SNX24: variants seen among roughly 807,000 people sequenced by gnomAD.
SNX24 encodes sorting nexin-24.
A neutral mutation model predicts 28.7 loss-of-function variants in SNX24; 22 were observed. The observed-to-expected ratio is 0.77, with a 90% confidence interval of 0.55 to 1.10. The LOEUF (loss-of-function observed/expected upper bound fraction) is 1.10. SNX24 is among the 50% of genes least tolerant of loss of function. The pLI, the probability that SNX24 is intolerant of heterozygous loss-of-function variation, is 0.00. For synonymous variants in SNX24, 69 were observed against 71.5 expected, an observed-to-expected ratio of 0.96 and a Z score of 0.18; for missense variants, 221 against 201.1, an observed-to-expected ratio of 1.10 and a Z score of -0.60.
intron 3 of SNX24, among the ~76,000 whole-genome samples, chr5:122,957,558 A>G (rs1760267005): frequency 6.6e-6 from 1 of 152,220 alleles, no homozygotes; most frequent in African/African-American, 2.4e-5. Flanking sequence ...GCAAAAATAA[A>G]AAAACTTCTT....
chr5:122,921,263 T>C (rs1163437244), intron 1 of SNX24, among the ~76,000 whole-genome samples: 1 of 152,180 alleles, frequency 6.6e-6, no homozygotes, highest in Non-Finnish European at 1.5e-5. Context: ...GAAATTTTCT[T>C]ATGTGTCCAT....
At chr5:122,984,930 G>C (rs1581833414) in intron 3 of SNX24, among the ~76,000 whole-genome samples, 1 of 151,846 alleles carries the variant, frequency 6.6e-6, no homozygotes, top group African/African-American at 2.4e-5. Context: ...AAACGAAAAA[G>C]AAAAAAAGGT....
At chr5:123,018,713 G>A (rs1762720691) in intron 5 of SNX24, among the ~76,000 whole-genome samples, 1 of 151,610 alleles carries the variant, frequency 6.6e-6, no homozygotes, top group African/African-American at 2.4e-5. Flanking sequence ...TTGACACAGA[G>A]TCTCGCTCTG....
At chr5:122,872,011 A>T (rs1756003894) in intron 1 of SNX24, among the ~76,000 whole-genome samples, 1 of 151,724 alleles carries the variant, frequency 6.6e-6, no homozygotes. Context: ...TACCAGGCAC[A>T]AAGAACTCAC....
chr5:123,028,686 C>T (rs1581873749), intron 5 of SNX24: 4 of 1,056,634 alleles, frequency 3.8e-6, no homozygotes, highest in Non-Finnish European at 5.6e-6. Context: ...TGTTCCTTAG[C>T]TCTGGATTTC....
At chr5:122,886,937 G>A (rs949625118) in intron 1 of SNX24, among the ~76,000 whole-genome samples, 1 of 152,016 alleles carries the variant, frequency 6.6e-6, no homozygotes, top group African/African-American at 2.4e-5. Flanking sequence ...TTTTATAGGG[G>A]ATGTCTAGAA....
chr5:122,882,858 A>G (rs1756542655), intron 1 of SNX24, among the ~76,000 whole-genome samples: 1 of 152,110 alleles, frequency 6.6e-6, no homozygotes, highest in Non-Finnish European at 1.5e-5. Context: ...TCACCCAAGT[A>G]TATGATTTAT....
chr5:122,943,930 T>C (rs2910141), intron 2 of SNX24, among the ~76,000 whole-genome samples: 117,024 of 152,108 alleles, frequency 0.77, 45,895 homozygotes, highest in East Asian at 0.99. Context: ...ATATTCTGAC[T>C]CCCACATTTA....
intron 3 of SNX24, among the ~76,000 whole-genome samples, chr5:122,961,577 G>A (rs1243572708): frequency 6.6e-6 from 1 of 152,108 alleles, no homozygotes; most frequent in East Asian, 1.9e-4. Flanking sequence ...TTTATTGATC[G>A]ATACAGACTC....
At chr5:122,850,349 G>T (rs1754836155) in intron 1 of SNX24, among the ~76,000 whole-genome samples, 1 of 152,142 alleles carries the variant, frequency 6.6e-6, no homozygotes, top group Non-Finnish European at 1.5e-5. Flanking sequence ...TCCCAGTTAT[G>T]AGGGCTCTGC....
chr5:122,931,495 C>T (rs1268852370), intron 1 of SNX24, among the ~76,000 whole-genome samples: 1 of 152,000 alleles, frequency 6.6e-6, no homozygotes, highest in Non-Finnish European at 1.5e-5. Context: ...GGAATAACAA[C>T]CTTTTTTATT....
chr5:122,933,538 T>C (rs1759051350), intron 1 of SNX24, among the ~76,000 whole-genome samples: 1 of 152,196 alleles, frequency 6.6e-6, no homozygotes, highest in Admixed American at 6.5e-5. Flanking sequence ...TAATAGTAGG[T>C]ATGGCCTTGT....
intron 3 of SNX24, among the ~76,000 whole-genome samples, chr5:122,976,293 T>TAAA (rs5871019): frequency 1.0e-4 from 14 of 134,770 alleles, no homozygotes; most frequent in Admixed American, 3.0e-4. Context: ...ACTCAGTCAT[T>TAAA]AAAAAAAAAA....
chr5:122,896,361 C>G (rs1363012532), intron 1 of SNX24, among the ~76,000 whole-genome samples: 2 of 152,140 alleles, frequency 1.3e-5, no homozygotes, highest in East Asian at 3.8e-4. Context: ...TGCATATCCT[C>G]TTCTTAAGGT....
intron 2 of SNX24, among the ~76,000 whole-genome samples, chr5:122,938,011 G>A (rs1759250707): frequency 6.6e-6 from 1 of 152,112 alleles, no homozygotes; most frequent in Admixed American, 6.6e-5. Flanking sequence ...CCCAGCCTCT[G>A]TTGACCAGTC....
chr5:122,989,156 A>C (rs149221512), intron 3 of SNX24, among the ~76,000 whole-genome samples: 87 of 152,218 alleles, frequency 5.7e-4, no homozygotes, highest in African/African-American at 2.0e-3. Context: ...GTATGGGTTT[A>C]TGTGTTCTAC....
At chr5:123,026,949 C>A (rs987681835) in intron 5 of SNX24, among the ~76,000 whole-genome samples, 7 of 152,132 alleles carry the variant, frequency 4.6e-5, no homozygotes, top group Admixed American at 6.6e-5. Context: ...AATCCCAGCA[C>A]TTTGGGAGGC....
chr5:123,000,066 A>G (rs1762192475), intron 4 of SNX24, 60 bp downstream of exon 4: 1 of 1,133,356 alleles, frequency 8.8e-7, no homozygotes, highest in African/African-American at 1.5e-5. Flanking sequence ...TGACCAATTG[A>G]TCTAACAAAT....
chr5:122,895,871 G>A (rs1292811699), intron 1 of SNX24, among the ~76,000 whole-genome samples: 2 of 152,208 alleles, frequency 1.3e-5, no homozygotes, highest in African/African-American at 2.4e-5. Context: ...CAGCAAGGCC[G>A]GGCACAGTGG....
Sources: allele counts gnomAD v4.1 joint callset (sites outside exome capture counted in the v4.1 genomes callset), GRCh38; gene constraint gnomAD v4.1.1; transcripts MANE v1.5; gene names NCBI Gene and HGNC (gene_info 2026-07-23, HGNC 2026-07-21).